ADNP: variants seen among roughly 807,000 people sequenced by gnomAD.
ADNP encodes the protein activity-dependent neuroprotector homeobox protein.
Under a neutral mutation model 84.9 loss-of-function variants are expected in ADNP, and 4 were observed. The ratio of observed to expected loss-of-function variants is 0.05; its 90% CI spans 0.02 to 0.11. ADNP has a LOEUF of 0.11. Ranked by LOEUF, ADNP falls within the 10% of genes least tolerant of loss-of-function variation. ADNP has a pLI of 1.00. For missense variants in ADNP, 1,132 were observed against 1,326.0 expected (o/e 0.85, Z 2.27); for synonymous variants, 554 against 468.1 (o/e 1.18, Z -2.37).
At chr20:50,929,453 A>AAGG (rs1323219032) in intron 1 of ADNP, among the ~76,000 whole-genome samples, 1 of 152,170 alleles carries the variant, frequency 6.6e-6, no homozygotes, top group Non-Finnish European at 1.5e-5. Context: ...ACCAACTAAG[A>AAGG]GTGCGAGTGT....
At chr20:50,919,291 G>A (rs200563708) in intron 2 of ADNP, among the ~76,000 whole-genome samples, 17,080 of 75,288 alleles carry the variant, frequency 0.23, 2,567 homozygotes, top group African/African-American at 0.57. Flanking sequence ...ATATTTAAGT[G>A]TATATATATA....
chr20:50,918,453 A>G (rs1432475137), intron 2 of ADNP, among the ~76,000 whole-genome samples: 3 of 152,218 alleles, frequency 2.0e-5, no homozygotes, highest in Non-Finnish European at 2.9e-5. Context: ...GAGTGGTAAT[A>G]CATTAATGGA....
rs149569312 is a variant in ADNP at position 50,897,807 on chromosome 20, A to G, written c.202-3295T>C. ...CATTTGCTTATCAGCGACAATAAGCAAAAGCTTGAAGGGTATGTTATTCTC... is the reference window on the plus strand; with the variant it reads ...CATTTGCTTATCAGCGACAATAAGCGAAAGCTTGAAGGGTATGTTATTCTC... On this transcript the variant is annotated intron_variant, in intron 5 of 5. Coordinates refer to ENST00000621696, the MANE Select transcript of ADNP (RefSeq NM_001282531.3). 7.3e-3 allele frequency among the ~76,000 whole-genome samples: 1,113 copies of G among 152,336 alleles called. 9 individuals carry two copies. The highest frequency in any genetic ancestry group is 0.01 in the Non-Finnish European group (682 of 68,026).
intron 5 of ADNP, among the ~76,000 whole-genome samples, chr20:50,896,641 G>A (rs1230083761): frequency 6.6e-6 from 1 of 152,186 alleles, no homozygotes; most frequent in Non-Finnish European, 1.5e-5. Context: ...GGCCTACAGA[G>A]AGTCAGAATC....
chr20:50,911,717 G>GA (rs1295319764), intron 2 of ADNP, among the ~76,000 whole-genome samples: 6 of 151,592 alleles, frequency 4.0e-5, no homozygotes, highest in East Asian at 1.9e-4. Context: ...TTTACGGGCA[G>GA]AAAAAAAGCA....
chr20:50,897,924 C>T (rs62205204), intron 5 of ADNP, among the ~76,000 whole-genome samples: 1 of 152,202 alleles, frequency 6.6e-6, no homozygotes, highest in African/African-American at 2.4e-5. Flanking sequence ...ATATCTCCTG[C>T]AGTGCACTGG....
At chr20:50,918,645 T>C (rs774614974) in intron 2 of ADNP, among the ~76,000 whole-genome samples, 1 of 152,224 alleles carries the variant, frequency 6.6e-6, no homozygotes, top group Non-Finnish European at 1.5e-5. Flanking sequence ...GTTACTTCAG[T>C]GAGACGTTCA....
intron 5 of ADNP, among the ~76,000 whole-genome samples, chr20:50,896,154 G>A (rs1296406118): frequency 1.3e-5 from 2 of 152,098 alleles, no homozygotes; most frequent in Non-Finnish European, 2.9e-5. Context: ...GAATCCAGGA[G>A]GCAGAGGTTG....
In ADNP at chr20:50,893,259, G is replaced by A; in HGVS notation, c.1455C>T (p.His485=). The change falls in exon 6 of 6, where the codon CAC becomes CAT. Residue 485 remains histidine, a synonymous_variant. Coordinates refer to ENST00000621696, the MANE Select transcript of ADNP (RefSeq NM_001282531.3). The surrounding 1 kb of genome is among the most constrained non-coding windows in gnomAD (Gnocchi z 4.4). ...AGTAGAGGCATTTGCTAGTAAAATT[G>A]TGTATTTTCATAATGTAGTTGGCTA... ...PAVANYIMKI[H]NFTSKCLYCN... 2 of 1,614,240 alleles carry A rather than the reference G, an allele frequency of 1.2e-6. No individual in the cohort carries two copies. The highest frequency in any genetic ancestry group is 1.7e-6 in the Non-Finnish European group (2 of 1,180,044).
chr20:50,895,730 C>G (rs1485823135), intron 5 of ADNP, among the ~76,000 whole-genome samples: 1 of 152,162 alleles, frequency 6.6e-6, no homozygotes, highest in Non-Finnish European at 1.5e-5. Flanking sequence ...GACAGGGTCT[C>G]CCTCTGTTGC....
At chr20:50,896,483 C>T (rs1045594785) in intron 5 of ADNP, among the ~76,000 whole-genome samples, 1 of 152,064 alleles carries the variant, frequency 6.6e-6, no homozygotes, top group Non-Finnish European at 1.5e-5. Context: ...TCCAGCTACT[C>T]AGGAGACTGA....
At chr20:50,910,298 T>C (rs1982906651) in intron 2 of ADNP, among the ~76,000 whole-genome samples, 1 of 152,202 alleles carries the variant, frequency 6.6e-6, no homozygotes, top group South Asian at 2.1e-4. Flanking sequence ...GACCTATTAA[T>C]AACAGAATTA....
intron 2 of ADNP, among the ~76,000 whole-genome samples, chr20:50,907,755 G>T (rs1259632983): frequency 4.1e-5 from 2 of 48,392 alleles, no homozygotes; most frequent in East Asian, 4.7e-4. Flanking sequence ...GCTATATTTT[G>T]TGTGTGTGTG....
Position 50,891,119 on chromosome 20 carries a change from G to GA in ADNP, c.*285dup, listed in dbSNP as rs1328867403. ...CATTTCACAGAGGGAAAGAAATGTT[G>GA]AAAAGGCAGATAAAATAAACCTCTG... On this transcript the variant is annotated 3_prime_UTR_variant, in exon 6 of 6. Coordinates refer to ENST00000621696, the MANE Select transcript of ADNP (RefSeq NM_001282531.3). 6.7e-6 allele frequency: 8 copies of GA among 1,194,978 alleles called. No individual in the cohort carries two copies. In the African/African-American group the frequency reaches 9.5e-5, roughly 14 times the overall value. 74.0% of individuals were successfully genotyped at this position (1,194,978 alleles called of 1,614,324 possible).
intron 2 of ADNP, among the ~76,000 whole-genome samples, chr20:50,910,331 C>T (rs149641567): frequency 1.3e-5 from 2 of 152,308 alleles, no homozygotes; most frequent in African/African-American, 2.4e-5. Context: ...ATTTTATTTA[C>T]GACTGAAAGT....
chr20:50,920,202 G>A (rs1244037002), intron 2 of ADNP, among the ~76,000 whole-genome samples: 4 of 145,992 alleles, frequency 2.7e-5, no homozygotes, highest in Admixed American at 1.4e-4. Flanking sequence ...GCTTGAATCC[G>A]GGAGGCGGAG....
chr20:50,896,165 CA>C (rs1432070084), intron 5 of ADNP, among the ~76,000 whole-genome samples: 3 of 152,198 alleles, frequency 2.0e-5, no homozygotes, highest in African/African-American at 7.2e-5. Flanking sequence ...GCAGAGGTTG[CA>C]GTGAGCCAAG....
intron 2 of ADNP, among the ~76,000 whole-genome samples, chr20:50,926,069 C>T (rs1984269599): frequency 6.6e-6 from 1 of 152,210 alleles, no homozygotes; most frequent in Non-Finnish European, 1.5e-5. Context: ...CACCGCACCC[C>T]AGCCTGGGAG....
chr20:50,894,270 TTTG>T lies in ADNP; in HGVS notation c.441_443del (p.Asn147del). ...CCTGCTTAGGTTTAAGGCCATCATT[TTTG>T]TTTTTATCTTTGAAAGTGCTGAGGC... On this transcript the variant is annotated inframe_deletion, in exon 6 of 6. Transcript: ENST00000621696. The T allele has an allele frequency of 1.9e-6, 3 of 1,613,814 alleles. No individual in the cohort carries two copies. Among genetic ancestry groups the T allele is most frequent in the African/African-American group, 2.7e-5 (2 of 74,994 alleles).
Sources: allele counts gnomAD v4.1 joint callset (sites outside exome capture counted in the v4.1 genomes callset), GRCh38; gene constraint gnomAD v4.1.1; non-coding constraint Gnocchi (gnomAD v3.1); transcripts MANE v1.5; gene names NCBI Gene and HGNC (gene_info 2026-07-23, HGNC 2026-07-21).